PRDM4: variants seen among roughly 807,000 people sequenced by gnomAD.
The protein encoded by PRDM4 is PR/SET domain 4.
In PRDM4, 38 loss-of-function variants were observed where a neutral mutation model predicts 62.3. The ratio of observed to expected loss-of-function variants is 0.61; its 90% confidence interval spans 0.47 to 0.80. The LOEUF (loss-of-function observed/expected upper bound fraction) is 0.80, where lower values mean the gene tolerates loss of function less well. Ranked by LOEUF, PRDM4 falls within the 30% of genes least tolerant of loss-of-function variation. The pLI is 0.00. For missense variants in PRDM4, 858 were observed against 997.1 expected, an observed-to-expected ratio of 0.86 and a Z score of 1.88; for synonymous variants, 339 against 348.2, an observed-to-expected ratio of 0.97 and a Z score of 0.30.
In PRDM4 at chr12:107,734,280, A is replaced by G. The variant is rs767675481; in HGVS notation, c.2336T>C (p.Val779Ala). Residue 779 changes from valine to alanine, a missense_variant, in exon 12 of 12, where the codon GTG (valine) becomes GCG (alanine). This residue lies in a region of PRDM4 where 355 missense variants were observed against 432.6 expected (regional missense o/e 0.82). Coordinates refer to ENST00000228437, the MANE Select transcript of PRDM4 (RefSeq NM_012406.4). ...DSEEEDLADS[V>A]GTEDCRINSA... ...GTTAATCCTACAGTCTTCTGTCCCC[A>G]CAGAGTCTGCTAGATCTTCCTCTTC... The G allele has an allele frequency of 6.2e-7, 1 of 1,614,150 alleles. No individual in the cohort carries two copies. Among genetic ancestry groups the G allele is most frequent in the Admixed American group, 1.7e-5 (1 of 60,016 alleles).
At chr12:107,749,396 C>CTT (rs56295338) in intron 5 of PRDM4, among the ~76,000 whole-genome samples, 9 of 130,108 alleles carry the variant, frequency 6.9e-5, no homozygotes, top group East Asian at 2.2e-4. Flanking sequence ...TTTCTGTTTG[C>CTT]TTTTTTTTTT....
Position 107,733,052 on chromosome 12 carries a change from G to C in PRDM4, c.*1158C>G, listed in dbSNP as rs1295726203. On this transcript the variant is annotated 3_prime_UTR_variant, in exon 12 of 12. Transcript: ENST00000228437. ...ATCCTGTCAACTTAAGGGTGGGTCT[G>C]CTTCTGAGAAACGCTGGATGTGCAT... 1 of 152,622 alleles carries C rather than the reference G, an allele frequency of 6.6e-6. No individual in the cohort carries two copies. Among genetic ancestry groups the C allele is most frequent in the African/African-American group, 2.4e-5 (1 of 41,440 alleles). The allele number at this position is 152,622 out of a possible 1,614,324, so 9.5% of individuals were successfully genotyped here. A position where few individuals can be genotyped will look rare whatever the true frequency, so the allele number is the denominator to read the frequency against.
At chr12:107,753,265 C>CA (rs1161609206) in intron 4 of PRDM4, among the ~76,000 whole-genome samples, 12 of 151,626 alleles carry the variant, frequency 7.9e-5, no homozygotes, top group Admixed American at 6.6e-4. Flanking sequence ...TCAAGGCAGG[C>CA]ATGTGCCTGT....
intron 5 of PRDM4, among the ~76,000 whole-genome samples, chr12:107,747,610 T>C (rs778398165): frequency 6.6e-6 from 1 of 152,218 alleles, no homozygotes. Flanking sequence ...CTATTCTTAC[T>C]ACAACTTCAC....
intron 9 of PRDM4, among the ~76,000 whole-genome samples, chr12:107,741,815 T>C (rs187406693): frequency 2.9e-4 from 44 of 152,326 alleles, no homozygotes; most frequent in African/African-American, 1.0e-3. Context: ...GCAAAATATT[T>C]AGGTTTTATA....
chr12:107,736,794 A>C (rs1593160514), intron 11 of PRDM4: 1 of 152,418 alleles, frequency 6.6e-6, no homozygotes, highest in African/African-American at 2.4e-5. Flanking sequence ...ATAGAAGAAA[A>C]GCTGGTGGTC....
chr12:107,738,782 G>A (rs1405326879), intron 11 of PRDM4, among the ~76,000 whole-genome samples: 2 of 151,978 alleles, frequency 1.3e-5, no homozygotes, highest in Non-Finnish European at 2.9e-5. Flanking sequence ...ATCCTATAGT[G>A]CTTGCACAAC....
rs1441915352 is a variant in PRDM4 at position 107,741,118 on chromosome 12, G to A, written c.1752C>T (p.His584=). ...QGHSGSHGPS[H]SKERKWKCSM... is the part of the protein sequence containing the mutation. ...AGCACTTCCACTTCCTTTCTTTGCT[G>A]TGACTTGGCCCATGGCTGCCGCTAT... is the stretch of plus-strand genomic sequence containing the variant. The change falls in exon 10 of 12, where the codon CAC becomes CAT. Residue 584 remains histidine (H), a synonymous_variant. Transcript: ENST00000228437. 6.2e-7 allele frequency: 1 copy of A among 1,614,208 alleles called. No individual in the cohort carries two copies. Among genetic ancestry groups the A allele is most frequent in the South Asian group, 1.1e-5 (1 of 91,080 alleles).
intron 9 of PRDM4, 144 bp from the exon 10 acceptor site, chr12:107,741,404 G>A: frequency 1.3e-6 from 1 of 785,050 alleles, no homozygotes; most frequent in South Asian, 1.9e-5. Context: ...AATGTACTAA[G>A]GGCATCTAAA....
At chr12:107,742,119 T>G in intron 9 of PRDM4, 102 bp downstream of exon 9, 1 of 1,260,564 alleles carries the variant, frequency 7.9e-7, no homozygotes, top group Non-Finnish European at 1.1e-6. Flanking sequence ...AACAAAGGTA[T>G]ATGATTTGCT....
At chr12:107,735,092 C>A (rs959716988) in intron 11 of PRDM4, among the ~76,000 whole-genome samples, 16 of 152,170 alleles carry the variant, frequency 1.1e-4, no homozygotes, top group African/African-American at 3.9e-4. Context: ...CCTTGAACTC[C>A]TGGGCTCAAG....
chr12:107,752,387 T>C (rs1890923771), intron 4 of PRDM4, among the ~76,000 whole-genome samples, 178 bp from the exon 5 acceptor site: 1 of 152,208 alleles, frequency 6.6e-6, no homozygotes. Flanking sequence ...ATTGAGTTTT[T>C]CCTGTAAAAC....
chr12:107,761,125 C>A lies in PRDM4; in HGVS notation c.-425G>T, dbSNP rs866184527. ...TTCCCGGCCCGCGGCCTCCTCTGGGCCGCACCCTCTGCGGCGCGTTTCCGG... is the reference window on the plus strand; with the variant it reads ...TTCCCGGCCCGCGGCCTCCTCTGGGACGCACCCTCTGCGGCGCGTTTCCGG... On this transcript the variant is annotated 5_prime_UTR_variant, in exon 1 of 12. Coordinates refer to ENST00000228437, the MANE Select transcript of PRDM4 (RefSeq NM_012406.4). 9.2e-5 allele frequency: 14 copies of A among 151,572 alleles called. No homozygotes were observed. The highest frequency in any genetic ancestry group is 1.6e-4 in the Non-Finnish European group (11 of 67,874). 9.4% of individuals were successfully genotyped at this position (151,572 alleles called of 1,614,324 possible).
In PRDM4 at chr12:107,756,925, G is replaced by A; in HGVS notation, c.52C>T (p.Leu18=). 1 of 1,614,136 alleles carries A rather than the reference G, an allele frequency of 6.2e-7. No individual in the cohort carries two copies. Among genetic ancestry groups the A allele is most frequent in the Non-Finnish European group, 8.5e-7 (1 of 1,180,016 alleles). ...MNLSPVGMEQ[L]TSSSVSNALP... ...GCATTGCTCACAGAGGATGAAGTCA[G>A]CTGCTCCATCCCCACTGGACTCAGG... Residue 18 remains leucine (L), a synonymous_variant, in exon 3 of 12, where the codon CTG becomes TTG. Transcript: ENST00000228437.
chr12:107,744,430 C>T, intron 7 of PRDM4, 113 bp downstream of exon 7: 1 of 1,137,412 alleles, frequency 8.8e-7, no homozygotes, highest in Non-Finnish European at 1.2e-6. Context: ...AATGACTGAC[C>T]AGTGAATGGC....
intron 11 of PRDM4, 70 bp from the exon 12 acceptor site, chr12:107,734,592 C>T (rs570856934): frequency 6.9e-7 from 1 of 1,444,228 alleles, no homozygotes; most frequent in South Asian, 1.3e-5. Context: ...ACTTATTCTT[C>T]ATAGCCGCAG....
chr12:107,760,898 G>GCCCGCAGGCCGGGCCGCCGCGCCCCGC (rs1555200797), intron 1 of PRDM4, 59 bp downstream of exon 1: 4 of 148,730 alleles, frequency 2.7e-5, no homozygotes, highest in African/African-American at 9.8e-5. Context: ...CCCGCCCGCG[G>GCCCGCAGGCCGGGCCGCCGCGCCCCGC]CCCGCAGGCC....
At chr12:107,735,998 G>A (rs1890317570) in intron 11 of PRDM4, among the ~76,000 whole-genome samples, 1 of 152,090 alleles carries the variant, frequency 6.6e-6, no homozygotes, top group African/African-American at 2.4e-5. Flanking sequence ...TCTTAATTCT[G>A]CAGATGGGAA....
In PRDM4 at chr12:107,742,268, T is replaced by A. The variant is rs1890540135; in HGVS notation, c.1562A>T (p.Glu521Val). ...FFCTSQDIPP[E>V]NELLFYYSRD... ...GCTATAATAAAAAAGCAGTTCATTT[T>A]CAGGAGGGATATCTTGTGAGGTGCA... is the stretch of plus-strand genomic sequence containing the variant. The change falls in exon 9 of 12, where the codon GAA becomes GTA. Residue 521 changes from glutamate to valine, a missense_variant. This residue lies in a region of PRDM4 where 355 missense variants were observed against 432.6 expected (regional missense o/e 0.82). Coordinates refer to ENST00000228437, the MANE Select transcript of PRDM4 (RefSeq NM_012406.4). 1.2e-6 allele frequency: 2 copies of A among 1,613,496 alleles called. No homozygotes were observed. The highest frequency in any genetic ancestry group is 2.2e-5 in the South Asian group (2 of 91,068).
Sources: allele counts gnomAD v4.1 joint callset (sites outside exome capture counted in the v4.1 genomes callset), GRCh38; gene constraint gnomAD v4.1.1; regional missense constraint gnomAD v4.1.1; transcripts MANE v1.5; gene names NCBI Gene and HGNC (gene_info 2026-07-23, HGNC 2026-07-21).